The following OSBPL9 variants were observed in gnomAD, a reference collection of about 807,000 sequenced individuals.
OSBPL9 encodes the protein oxysterol-binding protein-related protein 9.
Under a neutral mutation model 106.6 loss-of-function variants are expected in OSBPL9, and 40 were observed. That is an observed-to-expected ratio of 0.38 (90% CI 0.29 to 0.49). OSBPL9 has a LOEUF of 0.49. OSBPL9 is among the 20% of genes least tolerant of loss of function. OSBPL9 has a pLI of 0.97. For missense variants in OSBPL9, 609 were observed against 887.2 expected (o/e 0.69, Z 3.98); for synonymous variants, 269 against 295.4 (o/e 0.91, Z 0.92).
chr1:51,643,612 A>G (rs1053219138), intron 1 of OSBPL9, among the ~76,000 whole-genome samples: 46 of 152,048 alleles, frequency 3.0e-4, no homozygotes, highest in African/African-American at 1.1e-3. Context: ...AAATTGATAA[A>G]TGTGCATTTT....
At position 51,775,068 on chromosome 1, in the gene OSBPL9, A is replaced by G. The variant is rs548408594; in HGVS notation, c.1171-1765A>G. Among the ~76,000 whole-genome samples the G allele has an allele frequency of 4.0e-4, 61 of 152,282 alleles. No homozygotes were observed. In the Middle Eastern group the frequency reaches 0.014, roughly 34 times the overall value. ...GGTGGTTTATAATTCTGCGTTATCTAAAGTGGTAAGAAGTTGTACCAAGGC... is the reference window on the plus strand; with the variant it reads ...GGTGGTTTATAATTCTGCGTTATCTGAAGTGGTAAGAAGTTGTACCAAGGC... On this transcript the variant is annotated intron_variant, in intron 14 of 23. Coordinates refer to ENST00000428468, the MANE Select transcript of OSBPL9 (RefSeq NM_024586.6).
chr1:51,633,010 C>G (rs1007422020), intron 1 of OSBPL9, among the ~76,000 whole-genome samples: 11 of 151,960 alleles, frequency 7.2e-5, no homozygotes, highest in Admixed American at 7.2e-4. Flanking sequence ...TTACTCTGTC[C>G]TCCAGGCTGG....
chr1:51,518,946 G>A, the OSBPL9 span, among the ~76,000 whole-genome samples: 3 of 151,390 alleles, frequency 2.0e-5, no homozygotes, highest in Middle Eastern at 3.4e-3. Flanking sequence ...GCGGAGGGCG[G>A]CGAGGGCCGC....
At chr1:51,584,842 A>T (rs1043165032) in intron 1 of OSBPL9, among the ~76,000 whole-genome samples, 2 of 152,238 alleles carry the variant, frequency 1.3e-5, no homozygotes, top group Admixed American at 6.5e-5. Context: ...AATCTCTGTT[A>T]CAAATCCCTT....
chr1:51,554,354 G>A, the OSBPL9 span, among the ~76,000 whole-genome samples: 12,701 of 152,040 alleles, frequency 0.084, 620 homozygotes, highest in African/African-American at 0.11. Flanking sequence ...GACTCTAGAC[G>A]GTTAAAAATT....
At chr1:51,660,682 T>C (rs1279977673) in intron 2 of OSBPL9, among the ~76,000 whole-genome samples, 3 of 152,254 alleles carry the variant, frequency 2.0e-5, no homozygotes, top group Non-Finnish European at 4.4e-5. Flanking sequence ...TGAATGATGC[T>C]AAAGTAGGTC....
chr1:51,689,652 A>C (rs1333616031), intron 3 of OSBPL9, among the ~76,000 whole-genome samples: 1 of 152,208 alleles, frequency 6.6e-6, no homozygotes. Flanking sequence ...TGCAGAGGTC[A>C]AGTTTACCAA....
At chr1:51,646,581 T>TTGCCCAGGCTGGAG in intron 1 of OSBPL9, among the ~76,000 whole-genome samples, 2 of 152,194 alleles carry the variant, frequency 1.3e-5, no homozygotes, top group Non-Finnish European at 2.9e-5. Context: ...TTTTGCTCCA[T>TTGCCCAGGCTGGAG]TGCCCAGGCT....
intron 1 of OSBPL9, among the ~76,000 whole-genome samples, chr1:51,627,775 G>A (rs1644856686): frequency 6.6e-6 from 1 of 151,144 alleles, no homozygotes. Flanking sequence ...ATACATTTGT[G>A]TATTGAAATG....
chr1:51,725,609 C>T (rs1662972177), intron 4 of OSBPL9, among the ~76,000 whole-genome samples: 1 of 152,154 alleles, frequency 6.6e-6, no homozygotes, highest in African/African-American at 2.4e-5. Flanking sequence ...TGTTAGTGAA[C>T]TTTTGTCAAC....
chr1:51,689,702 A>G (rs1314773553), intron 3 of OSBPL9, among the ~76,000 whole-genome samples: 1 of 152,194 alleles, frequency 6.6e-6, no homozygotes, highest in Non-Finnish European at 1.5e-5. Flanking sequence ...TCCAGCCCCA[A>G]ATAAAATTTT....
At chr1:51,740,260 A>G in intron 4 of OSBPL9, 1 of 1,460,498 alleles carries the variant, frequency 6.8e-7, no homozygotes, top group Non-Finnish European at 9.0e-7. Context: ...CATTGGATGA[A>G]AGCTTATCTG....
chr1:51,594,421 GAAAC>G (rs1048418941), intron 1 of OSBPL9, among the ~76,000 whole-genome samples: 1 of 151,082 alleles, frequency 6.6e-6, no homozygotes, highest in African/African-American at 2.4e-5. Context: ...AAAAAAGAAA[GAAAC>G]AGAAAAGAAA....
chr1:51,677,986 C>T (rs936768906), intron 3 of OSBPL9, among the ~76,000 whole-genome samples: 1 of 149,764 alleles, frequency 6.7e-6, no homozygotes, highest in African/African-American at 2.5e-5. Flanking sequence ...CCAGCCTAGG[C>T]AATATAGTGA....
intron 3 of OSBPL9, among the ~76,000 whole-genome samples, chr1:51,711,664 T>G (rs1659978481): frequency 8.0e-6 from 1 of 125,474 alleles, no homozygotes; most frequent in African/African-American, 3.2e-5. Flanking sequence ...GACGGGGTGG[T>G]TGCCAGGCAG....
At chr1:51,730,578 T>C (rs1444760147) in intron 4 of OSBPL9, among the ~76,000 whole-genome samples, 36 of 152,176 alleles carry the variant, frequency 2.4e-4, no homozygotes, top group Non-Finnish European at 1.5e-5. Context: ...CTGAAAACTT[T>C]GGTATAGTTT....
the OSBPL9 span, among the ~76,000 whole-genome samples, chr1:51,571,608 A>G: frequency 5.3e-5 from 8 of 152,200 alleles, no homozygotes; most frequent in Non-Finnish European, 1.0e-4. Context: ...TTGAGGCTGC[A>G]GTGAGCTACG....
At chr1:51,662,117 A>G (rs1163447818) in intron 2 of OSBPL9, among the ~76,000 whole-genome samples, 1 of 152,190 alleles carries the variant, frequency 6.6e-6, no homozygotes, top group Non-Finnish European at 1.5e-5. Flanking sequence ...TGGTGTGGTA[A>G]CATATCCTCC....
chr1:51,767,152 G>A (rs1370020684), intron 12 of OSBPL9, among the ~76,000 whole-genome samples: 1 of 152,082 alleles, frequency 6.6e-6, no homozygotes, highest in African/African-American at 2.4e-5. Context: ...TCAGCAATCT[G>A]GGAGGCTGAG....
Sources: allele counts gnomAD v4.1 joint callset (sites outside exome capture counted in the v4.1 genomes callset), GRCh38; gene constraint gnomAD v4.1.1; transcripts MANE v1.5; gene names NCBI Gene and HGNC (gene_info 2026-07-23, HGNC 2026-07-21).